The following MYO6 variants were observed in gnomAD, a reference collection of about 807,000 sequenced individuals.
The protein encoded by MYO6 is unconventional myosin-VI.
In MYO6, 74 loss-of-function variants were observed where a neutral mutation model predicts 178.7. That is an observed-to-expected ratio of 0.41 (90% CI 0.34 to 0.50). The LOEUF (loss-of-function observed/expected upper bound fraction) is 0.50. MYO6 is among the 20% of genes least tolerant of loss of function. The pLI is 0.09. For synonymous variants in MYO6, 477 were observed against 504.6 expected, an observed-to-expected ratio of 0.95 and a Z score of 0.73; for missense variants, 1,330 against 1,547.4, an observed-to-expected ratio of 0.86 and a Z score of 2.36.
At chr6:75,869,587 T>C (rs1776971850) in intron 18 of MYO6, among the ~76,000 whole-genome samples, 1 of 152,196 alleles carries the variant, frequency 6.6e-6, no homozygotes, top group African/African-American at 2.4e-5. Flanking sequence ...ATTAGTCTTT[T>C]GTAAGTAGTT....
intron 1 of MYO6, among the ~76,000 whole-genome samples, chr6:75,772,299 A>G (rs946312075): frequency 2.6e-5 from 4 of 152,106 alleles, no homozygotes; most frequent in Non-Finnish European, 5.9e-5. Flanking sequence ...CCATTTGATC[A>G]TTGATGTGAG....
intron 9 of MYO6, among the ~76,000 whole-genome samples, chr6:75,844,270 G>A (rs1774520458): frequency 6.6e-6 from 1 of 151,984 alleles, no homozygotes; most frequent in Non-Finnish European, 1.5e-5. Context: ...TCTATATTTT[G>A]GAAGCATTTA....
chr6:75,833,792 G>A (rs919142548), intron 6 of MYO6, among the ~76,000 whole-genome samples: 7 of 152,308 alleles, frequency 4.6e-5, no homozygotes, highest in African/African-American at 1.7e-4. Context: ...ATTGTCAATA[G>A]TGCTGTTATG....
intron 1 of MYO6, among the ~76,000 whole-genome samples, chr6:75,774,346 T>C (rs531838641): frequency 1.4e-4 from 21 of 152,330 alleles, no homozygotes; most frequent in African/African-American, 4.6e-4. Context: ...ATTATAGCCC[T>C]GTATAAATTT....
At chr6:75,894,757 A>G (rs1779162163) in intron 28 of MYO6, 11 of 1,231,716 alleles carry the variant, frequency 8.9e-6, no homozygotes, top group South Asian at 8.1e-5. Context: ...GTGTTAAAAA[A>G]TGTATATATT....
chr6:75,877,270 G>A (rs550048716), intron 20 of MYO6, among the ~76,000 whole-genome samples: 3 of 150,292 alleles, frequency 2.0e-5, no homozygotes, highest in Admixed American at 1.3e-4. Context: ...ACCGCGCCTC[G>A]TCTTTTTTTT....
intron 1 of MYO6, among the ~76,000 whole-genome samples, chr6:75,773,037 A>G (rs1219283955): frequency 1.3e-5 from 2 of 152,212 alleles, no homozygotes; most frequent in Admixed American, 6.5e-5. Context: ...AAGATGAAGT[A>G]ATTGTCATAA....
intron 31 of MYO6, among the ~76,000 whole-genome samples, chr6:75,907,932 CAATT>C (rs1436158840): frequency 6.6e-6 from 1 of 151,996 alleles, no homozygotes; most frequent in Non-Finnish European, 1.5e-5. Context: ...TCCCACAGAA[CAATT>C]AGAGTAAAAT....
intron 1 of MYO6, among the ~76,000 whole-genome samples, chr6:75,750,500 T>C (rs1776783697): frequency 6.6e-6 from 1 of 151,550 alleles, no homozygotes; most frequent in Middle Eastern, 3.2e-3. Context: ...CCTAACTTAA[T>C]AGACTTAACT....
intron 15 of MYO6, among the ~76,000 whole-genome samples, chr6:75,862,043 C>T (rs781087403): frequency 1.4e-4 from 21 of 152,204 alleles, no homozygotes; most frequent in Non-Finnish European, 2.2e-4. Context: ...GAATCTTTCT[C>T]TTCCTATGTC....
At chr6:75,782,662 AT>A (rs1767100859) in intron 1 of MYO6, among the ~76,000 whole-genome samples, 1 of 151,990 alleles carries the variant, frequency 6.6e-6, no homozygotes, top group African/African-American at 2.4e-5. Context: ...CCATCTCTAG[AT>A]TCAAGTTTCC....
chr6:75,893,851 G>T (rs185506497), intron 28 of MYO6, among the ~76,000 whole-genome samples: 12 of 152,320 alleles, frequency 7.9e-5, no homozygotes, highest in Admixed American at 6.5e-4. Context: ...AGATTTCACT[G>T]TAATTAAAAT....
At chr6:75,832,413 A>G (rs1773191921) in intron 5 of MYO6, among the ~76,000 whole-genome samples, 1 of 152,130 alleles carries the variant, frequency 6.6e-6, no homozygotes, top group Admixed American at 6.5e-5. Context: ...AGTTGCCATT[A>G]TGTATTTTTT....
chr6:75,867,043 A>G lies in MYO6; in HGVS notation c.1882A>G (p.Asn628Asp). 1 of 1,614,006 alleles carries G rather than the reference A, an allele frequency of 6.2e-7. No individual in the cohort carries two copies. The highest frequency in any genetic ancestry group is 8.5e-7 in the Non-Finnish European group (1 of 1,179,910). The change falls in exon 18 of 35, where the codon AAC becomes GAC. Residue 628 changes from asparagine to aspartate, a missense_variant. Asn to Asp is a conservative substitution (Grantham distance 23). This residue lies in a region of MYO6 where 613 missense variants were observed against 816.8 expected (regional missense o/e 0.75). Coordinates refer to ENST00000369977, the MANE Select transcript of MYO6 (RefSeq NM_004999.4). ...RELFESSTNN[N>D]KDTKQKAGKL... ...ATTATTTGAATCATCCACAAATAAC[A>G]ACAAAGATACTAAACAAAAAGCAGG... is the stretch of plus-strand genomic sequence containing the variant.
At chr6:75,783,688 G>A (rs1008067853) in intron 1 of MYO6, among the ~76,000 whole-genome samples, 1 of 151,928 alleles carries the variant, frequency 6.6e-6, no homozygotes, top group African/African-American at 2.4e-5. Flanking sequence ...TAAAGTCAAG[G>A]TTCCTTTATT....
intron 5 of MYO6, 77 bp downstream of exon 5, chr6:75,830,622 A>C: frequency 7.4e-7 from 1 of 1,342,324 alleles, no homozygotes; most frequent in Non-Finnish European, 1.1e-6. Flanking sequence ...CTTTTGGATT[A>C]ATAAAAGATA....
At chr6:75,854,618 A>G (rs938257175) in intron 11 of MYO6, among the ~76,000 whole-genome samples, 8 of 152,102 alleles carry the variant, frequency 5.3e-5, no homozygotes, top group Non-Finnish European at 8.8e-5. Context: ...CTGTACAGGT[A>G]ATAGTAAATG....
intron 7 of MYO6, among the ~76,000 whole-genome samples, chr6:75,836,534 C>T (rs1369295694): frequency 6.6e-6 from 1 of 151,956 alleles, no homozygotes; most frequent in Non-Finnish European, 1.5e-5. Flanking sequence ...CTTACTTCTC[C>T]TTAATCCAGT....
At chr6:75,793,913 C>T (rs532572015) in intron 1 of MYO6, among the ~76,000 whole-genome samples, 25 of 152,316 alleles carry the variant, frequency 1.6e-4, no homozygotes, top group Admixed American at 1.2e-3. Context: ...CATGTACTTA[C>T]ATCGAGCTGC....
Sources: gnomAD v4.1 joint callset for allele counts (sites outside exome capture counted in the v4.1 genomes callset) on GRCh38, gnomAD v4.1.1 for gene constraint, gnomAD v4.1.1 regional missense constraint, MANE v1.5 for transcripts, NCBI Gene and HGNC (gene_info 2026-07-23, HGNC 2026-07-21) for gene names.